Variants in LRP5 observed in about 807,000 individuals in gnomAD.
LRP5 encodes the protein LDL receptor related protein 5.
LRP5 carries 62 observed loss-of-function variants against 154.1 expected under a neutral mutation model. The observed-to-expected ratio is 0.40, with a 90% CI of 0.33 to 0.50. The LOEUF (loss-of-function observed/expected upper bound fraction) is 0.50, where lower values mean the gene tolerates loss of function less well. LRP5 is among the 20% of genes least tolerant of loss of function. The pLI, the probability that LRP5 is intolerant of heterozygous loss-of-function variation, is 0.55. For synonymous variants in LRP5, 966 were observed against 1,011.5 expected (o/e 0.96, Z 0.85); for missense variants, 1,915 against 2,336.7 (o/e 0.82, Z 3.72).
intron 3 of LRP5, among the ~76,000 whole-genome samples, chr11:68,361,884 A>G (rs753011629): frequency 9.2e-5 from 14 of 152,340 alleles, no homozygotes; most frequent in South Asian, 4.1e-4. Context: ...AGACGTAAAC[A>G]TTGATTTACG....
At chr11:68,315,550 A>G (rs1266975107) in intron 1 of LRP5, among the ~76,000 whole-genome samples, 1 of 152,248 alleles carries the variant, frequency 6.6e-6, no homozygotes, top group Middle Eastern at 3.2e-3. Context: ...AAATGGGAAT[A>G]GAATCCTTCC....
rs568332518 is a variant in LRP5, at chr11:68,411,101, G to A, written c.2319-335G>A. Reference sequence around the variant, plus strand: ...TGTGCTTGTGTCCATCCTGGTTTCTGCCGTGTCCCCAACATCCGGCCAAGC... The same window carrying A: ...TGTGCTTGTGTCCATCCTGGTTTCTACCGTGTCCCCAACATCCGGCCAAGC... On this transcript the variant is annotated intron_variant, in intron 10 of 22. Coordinates refer to ENST00000294304, the MANE Select transcript of LRP5 (RefSeq NM_002335.4). Among the ~76,000 whole-genome samples the A allele has an allele frequency of 1.3e-3, 201 of 152,250 alleles. 1 individual carries two copies. The highest frequency in any genetic ancestry group is 2.2e-3 in the Non-Finnish European group (150 of 68,014).
intron 9 of LRP5, among the ~76,000 whole-genome samples, chr11:68,409,073 A>AATATATATATATAT (rs1174773377): frequency 3.4e-4 from 15 of 44,156 alleles, no homozygotes; most frequent in African/African-American, 1.9e-3. Flanking sequence ...AAAAAAAAAA[A>AATATATATATATAT]ATATATATAT....
At chr11:68,355,484 C>T (rs953747277) in intron 2 of LRP5, among the ~76,000 whole-genome samples, 1 of 152,188 alleles carries the variant, frequency 6.6e-6, no homozygotes, top group Non-Finnish European at 1.5e-5. Flanking sequence ...GCCCTTGTGT[C>T]CTGTGGCTCA....
chr11:68,387,626 C>T (rs546469626), intron 6 of LRP5, among the ~76,000 whole-genome samples: 6 of 152,258 alleles, frequency 3.9e-5, no homozygotes, highest in Admixed American at 2.6e-4. Flanking sequence ...GTTTGTCGGT[C>T]GGTAGGGGAG....
Position 68,413,795 on chromosome 11 carries a change from G to A in LRP5, c.2610G>A (p.Arg870=), listed in dbSNP as rs554108619. 6.2e-7 allele frequency: 1 copy of A among 1,613,562 alleles called. No homozygotes were observed. The change falls in exon 12 of 23, where the codon CGG becomes CGA. Residue 870 remains arginine, a synonymous_variant. Transcript: ENST00000294304. This position sits in a 1 kb window ranked among gnomAD's most constrained non-coding sequence, Gnocchi z 5.1. ...ACTGGAATCTGCACAGCATTGAGCG[G>A]GCCGACAAGACTAGCGGCCGGAACC... ...WTDWNLHSIE[R]ADKTSGRNRT...
At position 68,386,863 on chromosome 11, in the gene LRP5, C is replaced by G. The variant is rs562876638; in HGVS notation, c.1412+151C>G. The G allele has an allele frequency of 1.4e-4, 136 of 953,264 alleles. 1 individual carries two copies. The African/African-American group carries it at 2.1e-3, about 15-fold the overall frequency. 59.1% of individuals were successfully genotyped at this position (953,264 alleles called of 1,614,324 possible). ...AACACCGGCAGCTGGGCCCCACCCC[C>G]AGAGCGGTGATTCAGGAGCTCCAGG... On this transcript the variant is annotated intron_variant, in intron 6 of 22. Transcript: ENST00000294304. This position sits in a 1 kb window ranked among gnomAD's most constrained non-coding sequence, Gnocchi z 7.9.
At chr11:68,391,221 G>A (rs142539518) in intron 7 of LRP5, among the ~76,000 whole-genome samples, 185 of 152,256 alleles carry the variant, frequency 1.2e-3, no homozygotes, top group African/African-American at 3.2e-3. Flanking sequence ...CACCTGCCTC[G>A]GCCTCCCAAA....
rs140884281 is a variant in LRP5 at position 68,380,050 on chromosome 11, G to A, written c.1016-6266G>A. On this transcript the variant is annotated intron_variant, in intron 5 of 22. Transcript: ENST00000294304. ...CAGGAGGCTGAGGCAGGAGAATGGC[G>A]TGAACCTGGGAGGCAGAGGTTACAG... Among the ~76,000 whole-genome samples the A allele has an allele frequency of 1.2e-3, 187 of 152,278 alleles. 1 individual carries two copies. Among genetic ancestry groups the A allele is most frequent in the South Asian group, 3.9e-3 (19 of 4,816 alleles).
chr11:68,383,601 A>G (rs2098641406), intron 5 of LRP5, among the ~76,000 whole-genome samples: 1 of 152,184 alleles, frequency 6.6e-6, no homozygotes, highest in Non-Finnish European at 1.5e-5. Flanking sequence ...CAGGCCCCAG[A>G]GGTTTCGGTC....
In LRP5 at chr11:68,406,593, G is replaced by C; in HGVS notation, c.1871G>C (p.Arg624Pro). ...TGCTTCTTCACACCCCACGCAACCC[G>C]GTGTGGCTGCCCCATCGGCCTGGAG... is the stretch of plus-strand genomic sequence containing the variant. ...HLCFFTPHAT[R>P]CGCPIGLELL... The change falls in exon 9 of 23, where the codon CGG becomes CCG. Residue 624 changes from arginine (R) to proline (P), a missense_variant. This residue lies in a region of LRP5 where 773 missense variants were observed against 1,100.9 expected (regional missense o/e 0.70). Transcript: ENST00000294304. 1 of 1,614,104 alleles carries C rather than the reference G, an allele frequency of 6.2e-7. No homozygotes were observed. The highest frequency in any genetic ancestry group is 8.5e-7 in the Non-Finnish European group (1 of 1,179,990).
At position 68,448,949 on chromosome 11, in the gene LRP5, C is replaced by G. The variant is rs1462417976; in HGVS notation, c.4727C>G (p.Pro1576Arg). Reference protein sequence around the residue: ...LNSDSDPYPPPPTPHSQYLSA... With the variant: ...LNSDSDPYPPRPTPHSQYLSA... ...TCGGACTCAGACCCCTATCCACCCC[C>G]ACCCACGCCCCACAGCCAGTACCTG... The change falls in exon 23 of 23, where the codon CCA becomes CGA. Residue 1576 changes from proline (P) to arginine (R), a missense_variant. Transcript: ENST00000294304. 4.3e-6 allele frequency: 7 copies of G among 1,613,286 alleles called. No homozygotes were observed. The highest frequency in any genetic ancestry group is 5.9e-6 in the Non-Finnish European group (7 of 1,180,002).
At chr11:68,337,050 C>T (rs915207500) in intron 1 of LRP5, among the ~76,000 whole-genome samples, 7 of 152,228 alleles carry the variant, frequency 4.6e-5, no homozygotes, top group African/African-American at 9.6e-5. Flanking sequence ...GCCATAAAAA[C>T]GCCAGCGTTG....
In LRP5 at chr11:68,433,745, T is replaced by A; in HGVS notation, c.3907T>A (p.Phe1303Ile). The change falls in exon 18 of 23, where the codon TTC becomes ATC. Residue 1303 changes from phenylalanine (F) to isoleucine (I), a missense_variant. This residue lies in a region of LRP5 where 1,094 missense variants were observed against 1,210.1 expected (regional missense o/e 0.90). Coordinates refer to ENST00000294304, the MANE Select transcript of LRP5 (RefSeq NM_002335.4). ...CTGCCCCGTGTGCTCCGCCGCCCAG[T>A]TCCCCTGCGCGCGGGGTCAGTGTGT... Reference protein sequence around the residue: ...EGCPVCSAAQFPCARGQCVDL... With the variant: ...EGCPVCSAAQIPCARGQCVDL... 6.2e-7 allele frequency: 1 copy of A among 1,612,762 alleles called. No homozygotes were observed. Among genetic ancestry groups the A allele is most frequent in the South Asian group, 1.1e-5 (1 of 91,054 alleles).
At chr11:68,402,230 A>G (rs1317069613) in intron 7 of LRP5, among the ~76,000 whole-genome samples, 3 of 152,282 alleles carry the variant, frequency 2.0e-5, no homozygotes, top group Non-Finnish European at 2.9e-5. Context: ...GCCTAACTCA[A>G]CCTTCCTGTT....
At chr11:68,441,026 C>A (rs560401189) in intron 21 of LRP5, among the ~76,000 whole-genome samples, 1 of 152,300 alleles carries the variant, frequency 6.6e-6, no homozygotes, top group East Asian at 1.9e-4. Context: ...CCTTGGCCTC[C>A]CAAAGTGCTG....
intron 2 of LRP5, among the ~76,000 whole-genome samples, chr11:68,356,970 C>G (rs1313243007): frequency 1.3e-5 from 2 of 149,296 alleles, no homozygotes; most frequent in South Asian, 2.1e-4. Flanking sequence ...GAGTCTCGCT[C>G]TGTCGCCCAG....
upstream of LRP5, among the ~76,000 whole-genome samples, chr11:68,310,245 A>G (rs2098586944): frequency 6.6e-6 from 1 of 152,128 alleles, no homozygotes; most frequent in Non-Finnish European, 1.5e-5. Context: ...TGAAGAGGTA[A>G]GAGAGTGAGC....
chr11:68,403,251 T>TCAAA (rs773083096), intron 7 of LRP5, among the ~76,000 whole-genome samples: 9 of 151,888 alleles, frequency 5.9e-5, no homozygotes, highest in Admixed American at 3.3e-4. Context: ...TCTCAAAATC[T>TCAAA]CAAACAAACA....
Sources: gnomAD v4.1 joint callset for allele counts (sites outside exome capture counted in the v4.1 genomes callset) on GRCh38, gnomAD v4.1.1 for gene constraint, gnomAD v4.1.1 regional missense constraint, Gnocchi (gnomAD v3.1) non-coding constraint, MANE v1.5 for transcripts, NCBI Gene and HGNC (gene_info 2026-07-23, HGNC 2026-07-21) for gene names.